Variants in NUP98 observed in about 807,000 individuals in gnomAD.
NUP98 encodes nucleoporin 98 and 96 precursor.
NUP98 carries 26 observed loss-of-function variants against 191.9 expected under a neutral mutation model. The observed-to-expected ratio is 0.14, with a 90% confidence interval of 0.10 to 0.19. NUP98 has a LOEUF of 0.19. Among genes scored for constraint, NUP98 ranks in the 10% least tolerant of loss-of-function variants. NUP98 has a pLI of 1.00. For missense variants in NUP98, 1,941 were observed against 2,178.8 expected (o/e 0.89, Z 2.17); for synonymous variants, 808 against 778.4 (o/e 1.04, Z -0.63).
intron 4 of NUP98, among the ~76,000 whole-genome samples, chr11:3,777,109 T>C (rs369201310): frequency 8.5e-5 from 13 of 152,210 alleles, no homozygotes; most frequent in Admixed American, 7.2e-4. Context: ...CAAGTGGTCC[T>C]ATTAGAGAAA....
At chr11:3,774,113 C>A (rs966062209) in intron 5 of NUP98, among the ~76,000 whole-genome samples, 1 of 152,018 alleles carries the variant, frequency 6.6e-6, no homozygotes, top group African/African-American at 2.4e-5. Context: ...TAAAAAAATA[C>A]GGAGGGCCAG....
chr11:3,767,381 G>A (rs963952154), intron 8 of NUP98, among the ~76,000 whole-genome samples: 4 of 151,724 alleles, frequency 2.6e-5, no homozygotes, highest in East Asian at 1.9e-4. Flanking sequence ...AGGTTGGAGT[G>A]CCATGGAGCA....
At chr11:3,791,483 G>C (rs2082345755) in intron 1 of NUP98, among the ~76,000 whole-genome samples, 1 of 130,222 alleles carries the variant, frequency 7.7e-6, no homozygotes, top group Non-Finnish European at 1.6e-5. Context: ...GCAGTGAGTT[G>C]AGATCCCACC....
At chr11:3,699,871 A>C (rs909742377) in intron 24 of NUP98, among the ~76,000 whole-genome samples, 3 of 152,226 alleles carry the variant, frequency 2.0e-5, no homozygotes, top group African/African-American at 7.2e-5. Context: ...TGCTAAACAA[A>C]ATGATTTTTC....
At chr11:3,742,058 G>A (rs2080303106) in intron 12 of NUP98, among the ~76,000 whole-genome samples, 1 of 152,204 alleles carries the variant, frequency 6.6e-6, no homozygotes, top group Admixed American at 6.5e-5. Context: ...CAGACTTGAC[G>A]AGAATATCTT....
chr11:3,686,369 T>G (rs1206015433), intron 28 of NUP98, among the ~76,000 whole-genome samples, 175 bp from the exon 29 acceptor site: 1 of 152,228 alleles, frequency 6.6e-6, no homozygotes, highest in Non-Finnish European at 1.5e-5. Context: ...CAGCCAGACT[T>G]TAGATCCTAC....
intron 16 of NUP98, among the ~76,000 whole-genome samples, chr11:3,722,336 A>C (rs1282237666): frequency 6.6e-6 from 1 of 151,854 alleles, no homozygotes; most frequent in Non-Finnish European, 1.5e-5. Flanking sequence ...GACTGATTTC[A>C]AACTTCTGGG....
chr11:3,725,319 G>T, intron 14 of NUP98, 100 bp from the exon 15 acceptor site: 1 of 637,062 alleles, frequency 1.6e-6, no homozygotes, highest in Non-Finnish European at 2.8e-6. Context: ...GTGCACTTCT[G>T]CTCAACTCTT....
At chr11:3,732,656 C>G (rs944724868) in intron 13 of NUP98, among the ~76,000 whole-genome samples, 13 of 152,178 alleles carry the variant, frequency 8.5e-5, no homozygotes, top group African/African-American at 3.1e-4. Context: ...ACTGAGAAAA[C>G]TACAAGTTAG....
intron 4 of NUP98, among the ~76,000 whole-genome samples, chr11:3,778,215 A>AAG (rs1564919100): frequency 2.0e-5 from 3 of 150,468 alleles, no homozygotes; most frequent in Non-Finnish European, 2.9e-5. Context: ...AAAAAAAAAA[A>AAG]AAAAAGAAAG....
chr11:3,762,778 A>C lies in NUP98; in HGVS notation c.1086+124T>G, dbSNP rs188395933. ...AATTTTTTGTTCTCAGAATCAAATC[A>C]TATTAGGCTGGTGCAATAATACACC... On this transcript the variant is annotated intron_variant, in intron 9 of 32. Transcript: ENST00000324932. The C allele has an allele frequency of 1.1e-5, 11 of 968,296 alleles. No homozygotes were observed. In the East Asian group the frequency reaches 2.6e-4, roughly 23 times the overall value. 60.0% of individuals were successfully genotyped at this position (968,296 alleles called of 1,614,324 possible).
At chr11:3,739,400 C>T (rs764434175) in intron 12 of NUP98, among the ~76,000 whole-genome samples, 4 of 152,074 alleles carry the variant, frequency 2.6e-5, no homozygotes, top group South Asian at 2.1e-4. Flanking sequence ...AGGTGCCTGC[C>T]GCCACGCCCG....
chr11:3,701,255 ATTTTT>A (rs71041374), intron 23 of NUP98, among the ~76,000 whole-genome samples: 3 of 125,852 alleles, frequency 2.4e-5, no homozygotes, highest in South Asian at 2.5e-4. Flanking sequence ...GCTTGTTCCA[ATTTTT>A]TTTTTTTTTT....
chr11:3,699,648 T>TAC (rs1415353815), intron 24 of NUP98, among the ~76,000 whole-genome samples: 1 of 152,262 alleles, frequency 6.6e-6, no homozygotes, highest in Non-Finnish European at 1.5e-5. Flanking sequence ...AGATGATATC[T>TAC]ACTTTGATCA....
chr11:3,738,739 C>T (rs560909306), intron 12 of NUP98, among the ~76,000 whole-genome samples: 52 of 118,570 alleles, frequency 4.4e-4, no homozygotes, highest in African/African-American at 1.7e-3. Context: ...GATGGTGCCA[C>T]AGCACTCCAG....
chr11:3,735,201 T>G lies in NUP98; in HGVS notation c.1532A>C (p.Lys511Thr), dbSNP rs924125144. ...LFRNPMSDPK[K>T]KEERLKPTNP... ...TATCCTTAAATTTACCTCTTCCTTC[T>G]TCTTAGGGTCTGACATCGGATTCCG... Residue 511 changes from lysine to threonine, a missense_variant, in exon 13 of 33, where the codon AAG (lysine) becomes ACG (threonine). By Grantham distance (78) the Lys-to-Thr change is moderately conservative (BLOSUM62 -1). This residue lies in a region of NUP98 where 453 missense variants were observed against 438.2 expected (regional missense o/e 1.03). Transcript: ENST00000324932. The G allele has an allele frequency of 6.3e-7, 1 of 1,585,688 alleles. No homozygotes were observed. Among genetic ancestry groups the G allele is most frequent in the African/African-American group, 1.3e-5 (1 of 74,110 alleles).
intron 11 of NUP98, among the ~76,000 whole-genome samples, chr11:3,748,800 G>T (rs570258636): frequency 6.6e-6 from 1 of 152,110 alleles, no homozygotes; most frequent in African/African-American, 2.4e-5. Flanking sequence ...GATTTCAGAT[G>T]ATATATTCTG....
intron 23 of NUP98, among the ~76,000 whole-genome samples, chr11:3,702,241 AACAC>A (rs1180575472): frequency 2.0e-4 from 29 of 144,094 alleles, no homozygotes; most frequent in African/African-American, 6.2e-4. Context: ...GAGACTCAAA[AACAC>A]ACACACACAC....
chr11:3,739,182 G>T (rs184840798), intron 12 of NUP98, among the ~76,000 whole-genome samples: 2 of 151,998 alleles, frequency 1.3e-5, no homozygotes, highest in Non-Finnish European at 2.9e-5. Flanking sequence ...AAGTAAAAAT[G>T]GCATATTACA....
Sources: gnomAD v4.1 joint callset for allele counts (sites outside exome capture counted in the v4.1 genomes callset) on GRCh38, gnomAD v4.1.1 for gene constraint, gnomAD v4.1.1 regional missense constraint, MANE v1.5 for transcripts, NCBI Gene and HGNC (gene_info 2026-07-23, HGNC 2026-07-21) for gene names.